The following SCN9A variants were observed in gnomAD, a reference collection of about 807,000 sequenced individuals.
The protein encoded by SCN9A is sodium voltage-gated channel alpha subunit 9, also known as sodium channel protein type 9 subunit alpha.
SCN9A carries 131 observed loss-of-function variants against 187.0 expected under a neutral mutation model. The ratio of observed to expected loss-of-function variants is 0.70; its 90% CI spans 0.61 to 0.81. The LOEUF (loss-of-function observed/expected upper bound fraction) is 0.81, where lower values mean the gene tolerates loss of function less well. Ranked by LOEUF, SCN9A falls within the 30% of genes least tolerant of loss-of-function variation. The pLI is 0.00. For missense variants in SCN9A, 2,252 were observed against 2,396.6 expected (o/e 0.94, Z 1.26); for synonymous variants, 809 against 808.6 (o/e 1.00, Z -0.01).
intron 24 of SCN9A, among the ~76,000 whole-genome samples, chr2:166,224,162 T>C (rs1694746722): frequency 6.6e-6 from 1 of 152,172 alleles, no homozygotes; most frequent in African/African-American, 2.4e-5. Flanking sequence ...CTGCTCTTTC[T>C]AGACACGCTT....
chr2:166,343,281 C>T (rs184515932), intron 1 of SCN9A, among the ~76,000 whole-genome samples: 3 of 151,912 alleles, frequency 2.0e-5, no homozygotes, highest in African/African-American at 7.2e-5. Context: ...CATATAAAAA[C>T]CCAAAGCTTT....
intron 17 of SCN9A, among the ~76,000 whole-genome samples, chr2:166,257,490 A>C (rs765111554): frequency 6.6e-6 from 1 of 151,644 alleles, no homozygotes; most frequent in Non-Finnish European, 1.5e-5. Flanking sequence ...TGGATTTCTA[A>C]TATTGAAAAT....
chr2:166,262,200 C>A (rs940193850), intron 17 of SCN9A, among the ~76,000 whole-genome samples: 12 of 151,524 alleles, frequency 7.9e-5, no homozygotes, highest in Admixed American at 2.0e-4. Context: ...TCATATTTAT[C>A]AATAATTTGC....
chr2:166,293,109 A>G, intron 9 of SCN9A, 122 bp downstream of exon 9: 1 of 775,644 alleles, frequency 1.3e-6, no homozygotes, highest in Middle Eastern at 3.3e-4. Context: ...TAATTTTGGT[A>G]ATAAGATAAT....
chr2:166,263,132 G>T (rs74317031), intron 17 of SCN9A, among the ~76,000 whole-genome samples: 1 of 151,914 alleles, frequency 6.6e-6, no homozygotes, highest in African/African-American at 2.4e-5. Context: ...GAGAAGAAAG[G>T]CCTGACCCTC....
Position 166,306,945 on chromosome 2 carries a change from TA to T in SCN9A, c.377+10del. 3.4e-6 allele frequency: 5 copies of T among 1,454,286 alleles called. No homozygotes were observed. The highest frequency in any genetic ancestry group is 3.8e-6 in the Non-Finnish European group (4 of 1,042,858). The allele number at this position is 1,454,286 out of a possible 1,614,324, so 90.1% of individuals were successfully genotyped here. ...AAGTGCCACTGGATGTAATCATTTTTAAAAGGATATGAGTGTACTAAAATCT... is the reference window on the plus strand; with the variant it reads ...AAGTGCCACTGGATGTAATCATTTTTAAAGGATATGAGTGTACTAAAATCT... On this transcript the variant is annotated intron_variant, in intron 3 of 26. Transcript: ENST00000642356.
At position 166,311,170 on chromosome 2, in the gene SCN9A, C is replaced by T. The variant is rs1383607333; in HGVS notation, c.258+329G>A. On this transcript the variant is annotated intron_variant, in intron 2 of 26. Coordinates refer to ENST00000642356, the MANE Select transcript of SCN9A (RefSeq NM_001365536.1). ...CTAGATGACCAGTTAGTGGGTGCAGCGCACCAGCATGGCACATGTATACAT... is the reference window on the plus strand; with the variant it reads ...CTAGATGACCAGTTAGTGGGTGCAGTGCACCAGCATGGCACATGTATACAT... 2.4e-4 allele frequency among the ~76,000 whole-genome samples: 30 copies of T among 126,272 alleles called. 1 individual carries two copies. Among genetic ancestry groups the T allele is most frequent in the African/African-American group, 6.9e-4 (21 of 30,530 alleles). The allele number at this position is 126,272 out of a possible 152,430, so 82.8% of individuals were successfully genotyped here.
chr2:166,303,436 C>T (rs13017637), intron 6 of SCN9A, 134 bp from the exon 7 acceptor site: 267,326 of 660,158 alleles, frequency 0.4, 57,326 homozygotes, highest in Non-Finnish European at 0.45. Flanking sequence ...AAAAAGCCTT[C>T]TGGGTTTGCT....
At chr2:166,251,971 C>A in intron 17 of SCN9A, 86 bp from the exon 18 acceptor site, 1 of 1,444,830 alleles carries the variant, frequency 6.9e-7, no homozygotes, top group Non-Finnish European at 9.5e-7. Context: ...TAATCAGACT[C>A]ATGCAAAGTA....
intron 1 of SCN9A, among the ~76,000 whole-genome samples, chr2:166,367,991 G>T (rs943936469): frequency 6.6e-6 from 1 of 152,196 alleles, no homozygotes; most frequent in Non-Finnish European, 1.5e-5. Context: ...TCCATTAAGG[G>T]TTAAACATAT....
chr2:166,330,304 A>G (rs886342130), intron 1 of SCN9A, among the ~76,000 whole-genome samples: 2 of 151,866 alleles, frequency 1.3e-5, no homozygotes, highest in Non-Finnish European at 2.9e-5. Flanking sequence ...CTGCCACTCT[A>G]CCTGTTTTTC....
Position 166,229,772 on chromosome 2 carries a change from T to C in SCN9A, c.3925-800A>G, listed in dbSNP as rs1185115396. ...TTCTGCTTTTCAGCATTTGTACTGC[T>C]ATTGATCACCAGTTTGTCTTTGCCA... On this transcript the variant is annotated intron_variant, in intron 21 of 26. Coordinates refer to ENST00000642356, the MANE Select transcript of SCN9A (RefSeq NM_001365536.1). 2.6e-5 allele frequency among the ~76,000 whole-genome samples: 4 copies of C among 152,238 alleles called. No individual in the cohort carries two copies. In the East Asian group the frequency reaches 7.7e-4, roughly 29 times the overall value.
chr2:166,311,433 T>C (rs1340842462), intron 2 of SCN9A, 66 bp downstream of exon 2: 2 of 1,323,176 alleles, frequency 1.5e-6, no homozygotes, highest in East Asian at 5.1e-5. Flanking sequence ...CTAATCTCAA[T>C]TTAAAATAAT....
chr2:166,290,049 A>C (rs1036937884), intron 9 of SCN9A, among the ~76,000 whole-genome samples: 1 of 152,194 alleles, frequency 6.6e-6, no homozygotes, highest in Non-Finnish European at 1.5e-5. Context: ...TAGTTGTCCT[A>C]ACGTTCTCCC....
Position 166,272,499 on chromosome 2 carries a change from C to A in SCN9A, c.3251G>T (p.Ser1084Ile), listed in dbSNP as rs201271710. The change falls in exon 17 of 27, where the codon AGC (serine) becomes ATC (isoleucine). Residue 1084 changes from serine (S) to isoleucine (I), a missense_variant. Physicochemically the swap from Ser to Ile is moderately radical, Grantham distance 142. Around this residue, in one of 7 missense-constraint regions of SCN9A, gnomAD observed 313 missense variants for 295.3 expected, o/e 1.06. Coordinates refer to ENST00000642356, the MANE Select transcript of SCN9A (RefSeq NM_001365536.1). ...TGCAATTGGCACTGTCACTGTGAGG[C>A]TGGGATTGTGAATAAATGATTGACC... Reference protein sequence around the residue: ...SDGQSFIHNPSLTVTVPIAPG... With the variant: ...SDGQSFIHNPILTVTVPIAPG... 6.2e-7 allele frequency: 1 copy of A among 1,613,196 alleles called. No homozygotes were observed. The highest frequency in any genetic ancestry group is 8.5e-7 in the Non-Finnish European group (1 of 1,179,630).
At chr2:166,311,277 A>G (rs1698934685) in intron 2 of SCN9A, among the ~76,000 whole-genome samples, 1 of 134,998 alleles carries the variant, frequency 7.4e-6, no homozygotes, top group Non-Finnish European at 1.6e-5. Context: ...TAGTATGCCA[A>G]TGCCAGAGCC....
At chr2:166,314,067 A>G (rs1699045742) in intron 1 of SCN9A, among the ~76,000 whole-genome samples, 3 of 152,222 alleles carry the variant, frequency 2.0e-5, no homozygotes, top group Admixed American at 1.3e-4. Flanking sequence ...CAATTACCAC[A>G]GTAACAACAA....
At chr2:166,300,474 C>T (rs529512025) in intron 7 of SCN9A, among the ~76,000 whole-genome samples, 1 of 151,042 alleles carries the variant, frequency 6.6e-6, no homozygotes. Context: ...ATCTCAGCAC[C>T]TGAGACTCAC....
In SCN9A at chr2:166,281,702, C is replaced by G. The variant is rs752751487; in HGVS notation, c.2081G>C (p.Ser694Thr). Residue 694 changes from serine to threonine, a missense_variant, in exon 13 of 27, where the codon AGC becomes ACC. By Grantham distance (58) the Ser-to-Thr change is moderately conservative. Transcript: ENST00000642356. The part of the protein sequence containing the change: ...NLRQRAMSRA[S>T]ILTNTVEELE... ...ACCTTCCACAGTGTTTGTTAATATG[C>G]TTGCTCTACTCATTGCTCTCTGTCT... The G allele has an allele frequency of 1.2e-6, 2 of 1,613,136 alleles. No individual in the cohort carries two copies. Among genetic ancestry groups the G allele is most frequent in the Admixed American group, 3.3e-5 (2 of 59,972 alleles).
Sources: allele counts gnomAD v4.1 joint callset (sites outside exome capture counted in the v4.1 genomes callset), GRCh38; gene constraint gnomAD v4.1.1; regional missense constraint gnomAD v4.1.1; transcripts MANE v1.5; gene names NCBI Gene and HGNC (gene_info 2026-07-23, HGNC 2026-07-21).